The following SNPH variants were observed in gnomAD, a reference collection of about 807,000 sequenced individuals.
The protein encoded by SNPH is syntaphilin.
SNPH carries 10 observed loss-of-function variants against 36.8 expected under a neutral mutation model. That is an observed-to-expected ratio of 0.27 (90% CI 0.17 to 0.46). The LOEUF is 0.46. Among genes scored for constraint, SNPH ranks in the 20% least tolerant of loss-of-function variants. SNPH has a pLI of 1.00. For missense variants in SNPH, 622 were observed against 744.0 expected (o/e 0.84, Z 1.91); for synonymous variants, 281 against 312.2 (o/e 0.90, Z 1.05).
intron 2 of SNPH, among the ~76,000 whole-genome samples, chr20:1,271,587 C>T (rs1396077931): frequency 2.0e-5 from 3 of 152,194 alleles, no homozygotes; most frequent in Non-Finnish European, 4.4e-5. Flanking sequence ...GGCAATCCAT[C>T]TGCCTTGGCC....
At position 1,276,815 on chromosome 20, in the gene SNPH, A is replaced by G. The variant is rs1261024020; in HGVS notation, c.-493+10055A>G. Reference sequence around the variant, plus strand: ...ACTGCAGAACAGGAATGTTATTCCGAGAAACAGAACTTCAGTCAGATGGAT... The same window carrying G: ...ACTGCAGAACAGGAATGTTATTCCGGGAAACAGAACTTCAGTCAGATGGAT... On this transcript the variant is annotated intron_variant, in intron 2 of 6. Transcript: ENST00000381867. This position sits in a 1 kb window ranked among gnomAD's most constrained non-coding sequence, Gnocchi z 4.6. Among the ~76,000 whole-genome samples the G allele has an allele frequency of 6.6e-6, 1 of 152,232 alleles. No homozygotes were observed. Among genetic ancestry groups the G allele is most frequent in the Non-Finnish European group, 1.5e-5 (1 of 68,046 alleles).
chr20:1,305,348 C>G lies in SNPH; in HGVS notation c.911C>G (p.Ala304Gly), dbSNP rs143448228. Residue 304 changes from alanine to glycine, a missense_variant, in exon 7 of 7, where the codon GCC becomes GGC. By Grantham distance (60) the Ala-to-Gly change is moderately conservative (BLOSUM62 0). Coordinates refer to ENST00000381867, the MANE Select transcript of SNPH (RefSeq NM_001318234.2). ...CTGAGCCGGACGGACGCGCTGGAAGCCAGCAGCCTGCTGTCGTCGGGGGTG... is the reference window on the plus strand; with the variant it reads ...CTGAGCCGGACGGACGCGCTGGAAGGCAGCAGCCTGCTGTCGTCGGGGGTG... Reference protein sequence around the residue: ...DTLSRTDALEASSLLSSGVDC... With the variant: ...DTLSRTDALEGSSLLSSGVDC... The G allele has an allele frequency of 6.8e-6, 11 of 1,611,698 alleles. No homozygotes were observed. The East Asian group carries it at 2.5e-4, about 36-fold the overall frequency.
Position 1,304,830 on chromosome 20 carries a change from G to T in SNPH, c.441-48G>T. Reference sequence around the variant, plus strand: ...TCCCTGCCTCTCCTTGGCGGTGACAGACCAGGCAGGCAGGCAGTGAGCGTG... The same window carrying T: ...TCCCTGCCTCTCCTTGGCGGTGACATACCAGGCAGGCAGGCAGTGAGCGTG... On this transcript the variant is annotated intron_variant, in intron 6 of 6. Coordinates refer to ENST00000381867, the MANE Select transcript of SNPH (RefSeq NM_001318234.2). The surrounding 1 kb of genome is among the most constrained non-coding windows in gnomAD (Gnocchi z 4.3). The T allele has an allele frequency of 6.4e-7, 1 of 1,566,254 alleles. No individual in the cohort carries two copies. The highest frequency in any genetic ancestry group is 1.2e-5 in the South Asian group (1 of 85,340).
Position 1,293,230 on chromosome 20 carries a change from C to T in SNPH, c.-492-1721C>T, listed in dbSNP as rs1312718862. Among the ~76,000 whole-genome samples the T allele has an allele frequency of 7.9e-5, 12 of 152,276 alleles. No individual in the cohort carries two copies. In the East Asian group the frequency reaches 2.3e-3, roughly 29 times the overall value. On this transcript the variant is annotated intron_variant, in intron 2 of 6. Coordinates refer to ENST00000381867, the MANE Select transcript of SNPH (RefSeq NM_001318234.2). ...CATTAGTCTCATGCTCCCTGGACCC[C>T]CATTGTCGGGGGGGTTAGGAAGTGT...
chr20:1,290,994 A>G (rs2088353998), intron 2 of SNPH, among the ~76,000 whole-genome samples: 2 of 152,272 alleles, frequency 1.3e-5, no homozygotes, highest in Admixed American at 1.3e-4. Flanking sequence ...TTCCATATGT[A>G]AAACACATAC....
intron 2 of SNPH, among the ~76,000 whole-genome samples, chr20:1,270,144 A>G (rs2088055488): frequency 6.6e-6 from 1 of 152,206 alleles, no homozygotes; most frequent in Non-Finnish European, 1.5e-5. Context: ...TTGTTCCAGT[A>G]TTGGAGGTGG....
rs546719713 is a variant in SNPH, at chr20:1,272,602, TG to T, written c.-493+5843del. ...ATTTTTAAATGCACATATTAAAATG[TG>T]TATGTGACCGGCCATCCGTCTGTGA... On this transcript the variant is annotated intron_variant, in intron 2 of 6. Coordinates refer to ENST00000381867, the MANE Select transcript of SNPH (RefSeq NM_001318234.2). Among the ~76,000 whole-genome samples, 177 of 152,368 alleles carry T rather than the reference TG, an allele frequency of 1.2e-3. 1 individual carries two copies. Among genetic ancestry groups the T allele is most frequent in the African/African-American group, 4.1e-3 (171 of 41,598 alleles).
intron 2 of SNPH, among the ~76,000 whole-genome samples, chr20:1,268,524 T>C (rs77258412): frequency 0.06 from 9,149 of 152,310 alleles, 381 homozygotes; most frequent in South Asian, 0.1. Flanking sequence ...CTCCTGCCTT[T>C]TGACAGCATG....
Position 1,295,780 on chromosome 20 carries a change from G to T in SNPH, c.-460G>T, listed in dbSNP as rs1001908288. 2 of 163,128 alleles carry T rather than the reference G, an allele frequency of 1.2e-5. No individual in the cohort carries two copies. The highest frequency in any genetic ancestry group is 2.4e-5 in the African/African-American group (1 of 41,860). 10.1% of individuals were successfully genotyped at this position (163,128 alleles called of 1,614,324 possible). A position where few individuals can be genotyped will look rare whatever the true frequency, so the allele number is the denominator to read the frequency against. ...TCTGTCTTGTCTCCCCTGTAGACGGGAAGCCCCGAACCACGGGCCAACTGG... is the reference window on the plus strand; with the variant it reads ...TCTGTCTTGTCTCCCCTGTAGACGGTAAGCCCCGAACCACGGGCCAACTGG... On this transcript the variant is annotated 5_prime_UTR_variant, in exon 4 of 7. Transcript: ENST00000381867.
chr20:1,280,718 C>T (rs2088207377), intron 2 of SNPH, among the ~76,000 whole-genome samples: 1 of 152,150 alleles, frequency 6.6e-6, no homozygotes, highest in South Asian at 2.1e-4. Context: ...GGATGGAGCT[C>T]CCTCAGGGGC....
chr20:1,284,668 G>A (rs1409857727), intron 2 of SNPH, among the ~76,000 whole-genome samples: 1 of 152,084 alleles, frequency 6.6e-6, no homozygotes, highest in African/African-American at 2.4e-5. Context: ...TCTGGGAGAA[G>A]AGCATTCCAG....
intron 2 of SNPH, among the ~76,000 whole-genome samples, chr20:1,288,951 G>C (rs2088317651): frequency 6.6e-6 from 1 of 152,112 alleles, no homozygotes; most frequent in Non-Finnish European, 1.5e-5. Context: ...ACTCTCTGTA[G>C]TATGCTTACC....
rs183447838 is a variant in SNPH, at chr20:1,288,198, A to G, written c.-492-6753A>G. On this transcript the variant is annotated intron_variant, in intron 2 of 6. Coordinates refer to ENST00000381867, the MANE Select transcript of SNPH (RefSeq NM_001318234.2). ...GTGATAAAGCAAGAATTATTTCTGA[A>G]GAAGGGAAAAAGAGAGATCTCCTTC... Among the ~76,000 whole-genome samples, 14 of 152,356 alleles carry G rather than the reference A, an allele frequency of 9.2e-5. No homozygotes were observed. The East Asian group carries it at 2.7e-3, about 29-fold the overall frequency.
At chr20:1,300,018 A>C (rs2088485204) in intron 5 of SNPH, among the ~76,000 whole-genome samples, 1 of 152,168 alleles carries the variant, frequency 6.6e-6, no homozygotes, top group Admixed American at 6.5e-5. Context: ...TGGGAGATGT[A>C]TCCTGCTGTG....
rs201764007 is a variant in SNPH, at chr20:1,288,619, C to CT, written c.-492-6325dup. 9.7e-3 allele frequency among the ~76,000 whole-genome samples: 1,360 copies of CT among 140,774 alleles called. 59 individuals carry two copies. The highest frequency in any genetic ancestry group is 0.016 in the African/African-American group (602 of 38,670). 92.4% of individuals were successfully genotyped at this position (140,774 alleles called of 152,430 possible). On this transcript the variant is annotated intron_variant, in intron 2 of 6. Transcript: ENST00000381867. ...GAAGGCACATGAGGAATTTCTTTTT[C>CT]TTTTTTTCTTTTTTTTTTTGAGATG...
chr20:1,296,158 A>G lies in SNPH; in HGVS notation c.-82A>G. The G allele has an allele frequency of 8.1e-7, 1 of 1,232,424 alleles. No individual in the cohort carries two copies. Among genetic ancestry groups the G allele is most frequent in the Non-Finnish European group, 1.1e-6 (1 of 911,912 alleles). The allele number at this position is 1,232,424 out of a possible 1,614,324, so 76.3% of individuals were successfully genotyped here. A position where few individuals can be genotyped will look rare whatever the true frequency, so the allele number is the denominator to read the frequency against. On this transcript the variant is annotated 5_prime_UTR_variant, in exon 4 of 7. Coordinates refer to ENST00000381867, the MANE Select transcript of SNPH (RefSeq NM_001318234.2). ...TGGTGGGAACCTGTGCACCAGCCCT[A>G]TTCAATTCACTGGTGGAGGCAGCCG... is the stretch of plus-strand genomic sequence containing the variant.
intron 4 of SNPH, chr20:1,296,921 G>C: frequency 2.4e-6 from 1 of 422,850 alleles, no homozygotes; most frequent in African/African-American, 2.1e-5. Context: ...CCCCATTCTT[G>C]TCCCTGGGGA....
intron 2 of SNPH, among the ~76,000 whole-genome samples, chr20:1,273,630 G>C (rs2088097297): frequency 6.6e-6 from 1 of 152,138 alleles, no homozygotes; most frequent in Admixed American, 6.5e-5. Context: ...TGAGGTGCTA[G>C]CCCTCATAGC....
Position 1,273,962 on chromosome 20 carries a change from T to C in SNPH, c.-493+7202T>C, listed in dbSNP as rs547233546. ...CTCTTTGGCATCAGAGCTGCGTTCT[T>C]CCCTCTAAGCCATACTGCCTCTAAA... On this transcript the variant is annotated intron_variant, in intron 2 of 6. Coordinates refer to ENST00000381867, the MANE Select transcript of SNPH (RefSeq NM_001318234.2). Among the ~76,000 whole-genome samples the C allele has an allele frequency of 3.1e-4, 47 of 152,252 alleles. 1 individual carries two copies. In the East Asian group the frequency reaches 8.7e-3, roughly 28 times the overall value.
Sources: gnomAD v4.1 joint callset for allele counts (sites outside exome capture counted in the v4.1 genomes callset) on GRCh38, gnomAD v4.1.1 for gene constraint, Gnocchi (gnomAD v3.1) non-coding constraint, MANE v1.5 for transcripts, NCBI Gene and HGNC (gene_info 2026-07-23, HGNC 2026-07-21) for gene names.